Variants in GRID1 observed in about 807,000 individuals in gnomAD.
GRID1 encodes glutamate receptor ionotropic, delta-1.
GRID1 carries 28 observed loss-of-function variants against 98.0 expected under a neutral mutation model. That is an observed-to-expected ratio of 0.29 (90% CI 0.21 to 0.39). GRID1 has a LOEUF of 0.39. Among genes scored for constraint, GRID1 ranks in the 10% least tolerant of loss-of-function variants. The probability of loss-of-function intolerance (pLI) is 1.00; values close to 1 mark genes in which losing one functional copy is unlikely to be tolerated. For missense variants in GRID1, 1,111 were observed against 1,340.5 expected (o/e 0.83, Z 2.67); for synonymous variants, 553 against 538.5 (o/e 1.03, Z -0.37).
At chr10:86,163,369 A>G (rs1442293854) in intron 3 of GRID1, among the ~76,000 whole-genome samples, 1 of 149,648 alleles carries the variant, frequency 6.7e-6, no homozygotes, top group Admixed American at 6.6e-5. Context: ...TAGCTGTCCT[A>G]TGAGCATGAG....
chr10:86,248,373 A>C (rs1846765292), intron 2 of GRID1, among the ~76,000 whole-genome samples: 1 of 152,158 alleles, frequency 6.6e-6, no homozygotes, highest in Non-Finnish European at 1.5e-5. Context: ...AAATTGGGAG[A>C]GGGAGGGCGG....
At chr10:86,123,094 C>T (rs910703861) in intron 4 of GRID1, among the ~76,000 whole-genome samples, 4 of 152,182 alleles carry the variant, frequency 2.6e-5, no homozygotes, top group African/African-American at 4.8e-5. Flanking sequence ...ATTTTGGTTC[C>T]GTGCAATGCC....
At chr10:86,188,492 GC>G (rs1314995674) in intron 3 of GRID1, among the ~76,000 whole-genome samples, 1 of 152,184 alleles carries the variant, frequency 6.6e-6, no homozygotes, top group South Asian at 2.1e-4. Flanking sequence ...CGCTGTCTAA[GC>G]CTAGAAACAG....
chr10:86,245,176 A>C (rs181015603), intron 2 of GRID1, among the ~76,000 whole-genome samples: 125 of 152,328 alleles, frequency 8.2e-4, no homozygotes, highest in Middle Eastern at 3.4e-3. Context: ...CAATACCTGG[A>C]AACTCCTCTC....
chr10:86,293,144 G>A (rs888867457), intron 2 of GRID1, among the ~76,000 whole-genome samples: 1 of 152,316 alleles, frequency 6.6e-6, no homozygotes, highest in Non-Finnish European at 1.5e-5. Flanking sequence ...GTTATTGTGG[G>A]AGGGTCTCAA....
At chr10:86,338,285 T>G (rs546320166) in intron 2 of GRID1, among the ~76,000 whole-genome samples, 1 of 152,230 alleles carries the variant, frequency 6.6e-6, no homozygotes, top group East Asian at 1.9e-4. Flanking sequence ...CAGAGTCCTC[T>G]GAAGACCTCT....
chr10:85,852,379 G>A (rs183699422), intron 8 of GRID1, among the ~76,000 whole-genome samples: 1 of 152,152 alleles, frequency 6.6e-6, no homozygotes, highest in African/African-American at 2.4e-5. Flanking sequence ...CAACGTGGAA[G>A]GTCCAGACAC....
At chr10:86,153,907 T>A (rs1178088063) in intron 3 of GRID1, among the ~76,000 whole-genome samples, 1 of 152,108 alleles carries the variant, frequency 6.6e-6, no homozygotes, top group Non-Finnish European at 1.5e-5. Context: ...GGCAGGGTAT[T>A]ATCTTAAAAT....
chr10:85,763,418 T>G (rs925574904), intron 8 of GRID1, among the ~76,000 whole-genome samples: 2 of 152,228 alleles, frequency 1.3e-5, no homozygotes, highest in African/African-American at 2.4e-5. Context: ...CACACTGATG[T>G]CTGACACTCC....
intron 4 of GRID1, among the ~76,000 whole-genome samples, chr10:85,997,870 C>T (rs749856730): frequency 1.7e-4 from 26 of 151,772 alleles, no homozygotes; most frequent in African/African-American, 1.9e-4. Flanking sequence ...CATAAAAGAA[C>T]GGAAAAACAT....
intron 5 of GRID1, among the ~76,000 whole-genome samples, chr10:85,875,124 C>T (rs1201191737): frequency 1.3e-5 from 2 of 152,120 alleles, no homozygotes; most frequent in Middle Eastern, 3.2e-3. Flanking sequence ...GTGATCCACT[C>T]GCCTCGGCCT....
chr10:85,886,307 T>A (rs1841117749), intron 5 of GRID1, among the ~76,000 whole-genome samples: 1 of 152,230 alleles, frequency 6.6e-6, no homozygotes, highest in South Asian at 2.1e-4. Flanking sequence ...AACCCGAAGA[T>A]GCCACTTAGC....
chr10:86,298,252 TG>T lies in GRID1; in HGVS notation c.235+65688del, dbSNP rs1164553586. On this transcript the variant is annotated intron_variant, in intron 2 of 15. Coordinates refer to ENST00000327946, the MANE Select transcript of GRID1 (RefSeq NM_017551.3). ...TGAAAACTGTAGCAACAGTGAAAAA[TG>T]TTTACAGTATAATAAAGGAAGTTGC... Among the ~76,000 whole-genome samples the T allele has an allele frequency of 4.6e-5, 7 of 152,148 alleles. No homozygotes were observed. The South Asian group carries it at 6.2e-4, about 14-fold the overall frequency.
chr10:86,006,063 T>C (rs1842856691), intron 4 of GRID1, among the ~76,000 whole-genome samples: 1 of 152,150 alleles, frequency 6.6e-6, no homozygotes, highest in South Asian at 2.1e-4. Flanking sequence ...GAGGTTTGTT[T>C]TATCAAATAT....
intron 4 of GRID1, among the ~76,000 whole-genome samples, chr10:85,937,371 GC>G (rs1841941171): frequency 6.6e-6 from 1 of 152,192 alleles, no homozygotes; most frequent in Admixed American, 6.5e-5. Flanking sequence ...CTTCTGACTG[GC>G]CCCGGTGGGC....
At chr10:85,608,791 T>A (rs1842700973) in intron 15 of GRID1, among the ~76,000 whole-genome samples, 1 of 152,072 alleles carries the variant, frequency 6.6e-6, no homozygotes, top group Admixed American at 6.6e-5. Context: ...GTGATCTGGT[T>A]TTGAGATACA....
intron 5 of GRID1, among the ~76,000 whole-genome samples, chr10:85,908,600 A>C (rs1841493872): frequency 6.6e-6 from 1 of 152,208 alleles, no homozygotes; most frequent in African/African-American, 2.4e-5. Context: ...TTTTTATGAC[A>C]TCAATTCTCC....
At chr10:86,007,780 A>G (rs1842879734) in intron 4 of GRID1, among the ~76,000 whole-genome samples, 1 of 152,054 alleles carries the variant, frequency 6.6e-6, no homozygotes, top group Admixed American at 6.6e-5. Context: ...CCCAGTTTCT[A>G]AGTGAAGTGC....
At chr10:86,325,569 C>T (rs558584398) in intron 2 of GRID1, among the ~76,000 whole-genome samples, 1 of 152,308 alleles carries the variant, frequency 6.6e-6, no homozygotes, top group South Asian at 2.1e-4. Flanking sequence ...TGCAATAAGA[C>T]CAGGAATTAA....
Sources: allele counts gnomAD v4.1 joint callset (sites outside exome capture counted in the v4.1 genomes callset), GRCh38; gene constraint gnomAD v4.1.1; transcripts MANE v1.5; gene names NCBI Gene and HGNC (gene_info 2026-07-23, HGNC 2026-07-21).